The following POGZ variants were observed in gnomAD, a reference collection of about 807,000 sequenced individuals.
The protein encoded by POGZ is pogo transposable element derived with ZNF domain.
Under a neutral mutation model 134.6 loss-of-function variants are expected in POGZ, and 17 were observed. The observed-to-expected ratio is 0.13, with a 90% CI of 0.09 to 0.19. The LOEUF is 0.19. Ranked by LOEUF, POGZ falls within the 10% of genes least tolerant of loss-of-function variation. The pLI is 1.00. For missense variants in POGZ, 1,306 were observed against 1,769.7 expected (o/e 0.74, Z 4.70); for synonymous variants, 693 against 657.1 (o/e 1.05, Z -0.84).
intron 3 of POGZ, among the ~76,000 whole-genome samples, chr1:151,431,240 T>C (rs1478425811): frequency 2.6e-5 from 4 of 152,210 alleles, no homozygotes; most frequent in Non-Finnish European, 4.4e-5. Flanking sequence ...TTCACCCATA[T>C]GTCTTCACTG....
chr1:151,403,264 ACCT>A lies in POGZ; in HGVS notation c.*1535_*1537del. The A allele has an allele frequency of 1.0e-6, 1 of 985,696 alleles. No individual in the cohort carries two copies. Among genetic ancestry groups the A allele is most frequent in the South Asian group, 4.7e-5 (1 of 21,286 alleles). 61.1% of individuals were successfully genotyped at this position (985,696 alleles called of 1,614,324 possible). ...AGAAATGGGTGGTAACAAATGTCAC[ACCT>A]GTACCACCAGGCCCATCACATCTTG... On this transcript the variant is annotated 3_prime_UTR_variant, in exon 19 of 19. Coordinates refer to ENST00000271715, the MANE Select transcript of POGZ (RefSeq NM_015100.4).
Position 151,404,903 on chromosome 1 carries a change from T to C in POGZ, c.4132A>G (p.Thr1378Ala), listed in dbSNP as rs370498156. ...TPRPRSSPEE[T>A]IEPESLHQLF... ...TGGTGAAGACTTTCAGGCTCAATTG[T>C]CTCTTCAGGAGATGATCTGGGTCGT... Residue 1378 changes from threonine to alanine, a missense_variant, in exon 19 of 19, where the codon ACA becomes GCA. Physicochemically the swap from Thr to Ala is moderately conservative, Grantham distance 58. Coordinates refer to ENST00000271715, the MANE Select transcript of POGZ (RefSeq NM_015100.4). 1.9e-6 allele frequency: 3 copies of C among 1,614,064 alleles called. No individual in the cohort carries two copies. The highest frequency in any genetic ancestry group is 2.5e-6 in the Non-Finnish European group (3 of 1,180,042).
In POGZ at chr1:151,408,844, G is replaced by GA. The variant is rs3831142; in HGVS notation, c.1927-17dup. ...CATTTCTCTTCTGAAGTGGGGGAGG[G>GA]AAAAAAAGAGACAAAATCCCTTAAA... is the stretch of plus-strand genomic sequence containing the variant. On this transcript the variant is annotated splice_polypyrimidine_tract_variant and intron_variant, in intron 12 of 18. Coordinates refer to ENST00000271715, the MANE Select transcript of POGZ (RefSeq NM_015100.4). The GA allele has an allele frequency of 6.2e-7, 1 of 1,603,914 alleles. No individual in the cohort carries two copies. Among genetic ancestry groups the GA allele is most frequent in the African/African-American group, 1.4e-5 (1 of 73,842 alleles).
chr1:151,415,693 A>G (rs913266109), intron 10 of POGZ, among the ~76,000 whole-genome samples: 14 of 151,570 alleles, frequency 9.2e-5, no homozygotes, highest in Non-Finnish European at 1.8e-4. Context: ...AAAAAAAAGA[A>G]TATTTGAAGA....
intron 10 of POGZ, among the ~76,000 whole-genome samples, chr1:151,414,960 G>T (rs1456512368): frequency 1.3e-5 from 2 of 152,122 alleles, no homozygotes; most frequent in African/African-American, 2.4e-5. Flanking sequence ...CATGGTGGCT[G>T]TCCTAACTGT....
intron 3 of POGZ, among the ~76,000 whole-genome samples, chr1:151,439,687 T>C (rs926994017): frequency 6.6e-6 from 1 of 152,226 alleles, no homozygotes; most frequent in Admixed American, 6.5e-5. Context: ...AATGGTTATA[T>C]TCCCAAACTA....
At chr1:151,435,137 C>T (rs115622324) in intron 3 of POGZ, among the ~76,000 whole-genome samples, 2 of 152,196 alleles carry the variant, frequency 1.3e-5, no homozygotes, top group East Asian at 3.9e-4. Context: ...TGACCTCAGG[C>T]GATCTGCCCG....
rs142107664 is a variant in POGZ, at chr1:151,433,299, G to T, written c.284-2458C>A. 1.8e-3 allele frequency among the ~76,000 whole-genome samples: 276 copies of T among 152,166 alleles called. 2 individuals are homozygous for T. Among genetic ancestry groups the T allele is most frequent in the African/African-American group, 6.3e-3 (263 of 41,528 alleles). On this transcript the variant is annotated intron_variant, in intron 3 of 18. Coordinates refer to ENST00000271715, the MANE Select transcript of POGZ (RefSeq NM_015100.4). Reference sequence around the variant, plus strand: ...TATATCAGGGTCAAGTTTAAATTTTGGTGGATTGTTAGAATTTTTCCAAAA... The same window carrying T: ...TATATCAGGGTCAAGTTTAAATTTTTGTGGATTGTTAGAATTTTTCCAAAA...
intron 1 of POGZ, among the ~76,000 whole-genome samples, chr1:151,458,816 C>A (rs1452914886): frequency 6.9e-6 from 1 of 145,520 alleles, no homozygotes; most frequent in Non-Finnish European, 1.5e-5. Context: ...CGAGTGCGCG[C>A]GCGCGCGCCG....
At chr1:151,447,925 T>C (rs867756903) in intron 1 of POGZ, among the ~76,000 whole-genome samples, 1 of 152,234 alleles carries the variant, frequency 6.6e-6, no homozygotes, top group African/African-American at 2.4e-5. Context: ...TCTTTGCTGA[T>C]AGTCAAGATG....
chr1:151,429,933 A>G (rs1484421585), intron 4 of POGZ, among the ~76,000 whole-genome samples: 1 of 152,062 alleles, frequency 6.6e-6, no homozygotes, highest in Non-Finnish European at 1.5e-5. Context: ...GGTACACATG[A>G]GCAAAAATGA....
rs1557862151 is a variant in POGZ at position 151,404,933 on chromosome 1, T to C, written c.4102A>G (p.Thr1368Ala). ...KLSGEHSESSTPRPRSSPEET... is the reference protein window; with the variant it reads ...KLSGEHSESSAPRPRSSPEET... ...TCAGGAGATGATCTGGGTCGTGGAG[T>C]GGAAGACTCAGAATGTTCCCCACTC... The change falls in exon 19 of 19, where the codon ACT becomes GCT. Residue 1368 changes from threonine (T) to alanine (A), a missense_variant. Physicochemically the swap from Thr to Ala is moderately conservative, Grantham distance 58 (BLOSUM62 0). This residue lies in a region of POGZ where 107 missense variants were observed against 97.9 expected (regional missense o/e 1.09). Transcript: ENST00000271715. 4 of 1,613,992 alleles carry C rather than the reference T, an allele frequency of 2.5e-6. No individual in the cohort carries two copies. Among genetic ancestry groups the C allele is most frequent in the Non-Finnish European group, 3.4e-6 (4 of 1,179,994 alleles).
At chr1:151,416,972 AT>A (rs1342709285) in intron 10 of POGZ, among the ~76,000 whole-genome samples, 1 of 152,104 alleles carries the variant, frequency 6.6e-6, no homozygotes, top group East Asian at 1.9e-4. Context: ...ACAATTAAAT[AT>A]AATGATCCAC....
At chr1:151,452,850 C>T (rs1203824411) in intron 1 of POGZ, among the ~76,000 whole-genome samples, 2 of 150,472 alleles carry the variant, frequency 1.3e-5, no homozygotes, top group African/African-American at 2.4e-5. Flanking sequence ...GGCAACAGAG[C>T]GAGACTCTGT....
At chr1:151,410,639 A>G (rs1428695146) in intron 12 of POGZ, among the ~76,000 whole-genome samples, 2 of 152,244 alleles carry the variant, frequency 1.3e-5, no homozygotes, top group African/African-American at 4.8e-5. Flanking sequence ...TAGGATTTAT[A>G]TAACGCTGAT....
At chr1:151,418,709 T>C (rs1162175085) in intron 10 of POGZ, among the ~76,000 whole-genome samples, 1 of 152,118 alleles carries the variant, frequency 6.6e-6, no homozygotes, top group African/African-American at 2.4e-5. Flanking sequence ...ACACCTATTA[T>C]GCATCAATTC....
intron 8 of POGZ, among the ~76,000 whole-genome samples, 177 bp downstream of exon 8, chr1:151,424,778 C>A (rs1657498978): frequency 1.3e-5 from 2 of 152,200 alleles, no homozygotes; most frequent in Non-Finnish European, 2.9e-5. Context: ...ATTTGAGGGT[C>A]TTTAAATGTA....
chr1:151,414,941 T>C (rs1195088924), intron 10 of POGZ, among the ~76,000 whole-genome samples: 4 of 152,118 alleles, frequency 2.6e-5, no homozygotes, highest in African/African-American at 9.7e-5. Context: ...GGAAAATGAA[T>C]TGATTCTCCA....
chr1:151,423,592 A>C, intron 9 of POGZ, 41 bp from the exon 10 acceptor site: 2 of 1,509,968 alleles, frequency 1.3e-6, no homozygotes, highest in Non-Finnish European at 1.8e-6. Flanking sequence ...AAACATAAAA[A>C]ATTGGTAGCC....
Sources: allele counts gnomAD v4.1 joint callset (sites outside exome capture counted in the v4.1 genomes callset), GRCh38; gene constraint gnomAD v4.1.1; regional missense constraint gnomAD v4.1.1; transcripts MANE v1.5; gene names NCBI Gene and HGNC (gene_info 2026-07-23, HGNC 2026-07-21).